The following MNDA variants were observed in gnomAD, a reference collection of about 807,000 sequenced individuals.
MNDA encodes the protein myeloid cell nuclear differentiation antigen.
Under a neutral mutation model 37.8 loss-of-function variants are expected in MNDA, and 43 were observed. The observed-to-expected ratio is 1.14, with a 90% confidence interval of 0.89 to 1.47. The LOEUF (loss-of-function observed/expected upper bound fraction) is 1.47, where lower values mean the gene tolerates loss of function less well. Among genes scored for constraint, MNDA ranks in the 40% most tolerant of loss-of-function variants. MNDA has a pLI of 0.00. For synonymous variants in MNDA, 181 were observed against 169.0 expected, an observed-to-expected ratio of 1.07 and a Z score of -0.55; for missense variants, 536 against 476.0, an observed-to-expected ratio of 1.13 and a Z score of -1.17.
intron 1 of MNDA, among the ~76,000 whole-genome samples, chr1:158,837,146 G>A (rs1380253481): frequency 6.6e-6 from 1 of 151,826 alleles, no homozygotes; most frequent in Non-Finnish European, 1.5e-5. Flanking sequence ...TGTTCCATAT[G>A]TTCGTGTGAA....
intron 5 of MNDA, among the ~76,000 whole-genome samples, chr1:158,847,248 T>C (rs181663719): frequency 9.1e-4 from 139 of 152,280 alleles, no homozygotes; most frequent in Non-Finnish European, 1.5e-3. Flanking sequence ...AATCTCAGAA[T>C]TCACCGCCAT....
intron 1 of MNDA, among the ~76,000 whole-genome samples, chr1:158,837,634 CCT>C (rs763863525): frequency 2.0e-5 from 3 of 151,398 alleles, no homozygotes; most frequent in South Asian, 2.1e-4. Context: ...ACTTGGATCC[CCT>C]GTTTTTAAAT....
At chr1:158,848,599 A>T (rs1659189753) in intron 6 of MNDA, among the ~76,000 whole-genome samples, 1 of 152,200 alleles carries the variant, frequency 6.6e-6, no homozygotes, top group South Asian at 2.1e-4. Flanking sequence ...AAATTAATGG[A>T]AACTTTATTG....
At chr1:158,834,865 G>T (rs750512909) in intron 1 of MNDA, among the ~76,000 whole-genome samples, 4 of 152,118 alleles carry the variant, frequency 2.6e-5, no homozygotes, top group Non-Finnish European at 4.4e-5. Context: ...CAGCATTTTT[G>T]AAAAGACTGT....
chr1:158,849,169 C>G lies in MNDA; in HGVS notation c.1177-21C>G, dbSNP rs182868751. Reference sequence around the variant, plus strand: ...TTCAATATCTAGGGTCTCATTATGTCTTTCTTATCTCTCTTTAAAGGTCAT... The same window carrying G: ...TTCAATATCTAGGGTCTCATTATGTGTTTCTTATCTCTCTTTAAAGGTCAT... On this transcript the variant is annotated intron_variant, in intron 6 of 6. Transcript: ENST00000368141. The G allele has an allele frequency of 7.1e-5, 113 of 1,591,934 alleles. No homozygotes were observed. In the African/African-American group the frequency reaches 1.1e-3, roughly 16 times the overall value.
rs753075854 is a variant in MNDA, at chr1:158,844,100, C to T, written c.548C>T (p.Pro183Leu). The T allele has an allele frequency of 4.4e-5, 70 of 1,587,936 alleles. No homozygotes were observed. Among genetic ancestry groups the T allele is most frequent in the African/African-American group, 1.4e-5 (1 of 73,452 alleles). ...CTACCCCAGACCTCATCATCAACTCCATCCAACACTTCGTTTACTCCGGTA... is the reference window on the plus strand; with the variant it reads ...CTACCCCAGACCTCATCATCAACTCTATCCAACACTTCGTTTACTCCGGTA... ...PPLPQTSSST[P>L]SNTSFTPNQE... is the part of the protein sequence containing the mutation. Residue 183 changes from proline (P) to leucine (L), a missense_variant, in exon 4 of 7, where the codon CCA becomes CTA. By Grantham distance (98) the Pro-to-Leu change is moderately conservative. Transcript: ENST00000368141.
At chr1:158,837,447 C>A (rs1163257919) in intron 1 of MNDA, among the ~76,000 whole-genome samples, 1 of 151,732 alleles carries the variant, frequency 6.6e-6, no homozygotes, top group Non-Finnish European at 1.5e-5. Flanking sequence ...CTTTTTAACA[C>A]TATGTAATAT....
At chr1:158,844,651 G>T (rs2102051143) in intron 4 of MNDA, among the ~76,000 whole-genome samples, 1 of 151,794 alleles carries the variant, frequency 6.6e-6, no homozygotes, top group African/African-American at 2.4e-5. Context: ...TGCTAGCCAG[G>T]CCAAGTCTTT....
At position 158,842,270 on chromosome 1, in the gene MNDA, G is replaced by T. The variant is rs1308270312; in HGVS notation, c.117G>T (p.Met39Ile). Residue 39 changes from methionine (M) to isoleucine (I), a missense_variant, in exon 2 of 7, where the codon ATG becomes ATT. By Grantham distance (10) the Met-to-Ile change is conservative (BLOSUM62 1). Transcript: ENST00000368141. ...ATGATTTAGGACTAACTACAAAAAT[G>T]CAAGAGGAATACAACAGAATTAAGA... The part of the protein sequence containing the change: ...LAYDLGLTTK[M>I]QEEYNRIKIT... 6.2e-7 allele frequency: 1 copy of T among 1,614,112 alleles called. No individual in the cohort carries two copies.
intron 1 of MNDA, among the ~76,000 whole-genome samples, chr1:158,841,795 C>G (rs1217260945): frequency 6.6e-6 from 1 of 152,094 alleles, no homozygotes; most frequent in Non-Finnish European, 1.5e-5. Flanking sequence ...GGGATAGGCT[C>G]AGGCCCCAAT....
chr1:158,832,980 TTCTTG>T (rs1338028368), intron 1 of MNDA, among the ~76,000 whole-genome samples: 2 of 152,154 alleles, frequency 1.3e-5, no homozygotes, highest in African/African-American at 4.8e-5. Flanking sequence ...TTCTTCTCCT[TTCTTG>T]TCAAGTTTCT....
intron 2 of MNDA, 86 bp from the exon 3 acceptor site, chr1:158,843,193 G>T: frequency 6.8e-7 from 1 of 1,475,986 alleles, no homozygotes; most frequent in Non-Finnish European, 9.1e-7. Context: ...GGAGCTGACA[G>T]CAGGTAATAT....
rs1659118146 is a variant in MNDA at position 158,845,636 on chromosome 1, C to T, written c.620C>T (p.Pro207Leu). The T allele has an allele frequency of 1.2e-6, 2 of 1,613,784 alleles. No individual in the cohort carries two copies. Among genetic ancestry groups the T allele is most frequent in the South Asian group, 2.2e-5 (2 of 91,024 alleles). ...CAGGTGGATGCAAGAAGAAATGTTC[C>T]CCAAAACGACCCAGTGACAGTGGTG... The part of the protein sequence containing the change: ...QRQVDARRNV[P>L]QNDPVTVVVL... Residue 207 changes from proline (P) to leucine (L), a missense_variant, in exon 5 of 7, where the codon CCC becomes CTC. By Grantham distance (98) the Pro-to-Leu change is moderately conservative. Transcript: ENST00000368141.
intron 1 of MNDA, among the ~76,000 whole-genome samples, chr1:158,837,019 C>T (rs1165477576): frequency 6.6e-6 from 1 of 151,458 alleles, no homozygotes; most frequent in Non-Finnish European, 1.5e-5. Context: ...AGTTTTCTTT[C>T]TGTTGATTTC....
At position 158,842,277 on chromosome 1, in the gene MNDA, G is replaced by A. The variant is rs771734284; in HGVS notation, c.124G>A (p.Glu42Lys). Residue 42 changes from glutamate to lysine, a missense_variant, in exon 2 of 7, where the codon GAA (glutamate) becomes AAA (lysine). Glu to Lys is a moderately conservative substitution (Grantham distance 56). Transcript: ENST00000368141. ...AGGACTAACTACAAAAATGCAAGAG[G>A]AATACAACAGAATTAAGATTACAGA... ...DLGLTTKMQE[E>K]YNRIKITDLM... is the part of the protein sequence containing the mutation. The A allele has an allele frequency of 6.2e-6, 10 of 1,614,066 alleles. No homozygotes were observed. Among genetic ancestry groups the A allele is most frequent in the Admixed American group, 5.0e-5 (3 of 60,016 alleles).
chr1:158,834,192 T>C (rs6698593), intron 1 of MNDA, among the ~76,000 whole-genome samples: 17,792 of 152,012 alleles, frequency 0.12, 1,391 homozygotes, highest in South Asian at 0.31. Flanking sequence ...GCCATTTGTA[T>C]AGCACCTTTG....
chr1:158,847,882 T>G lies in MNDA; in HGVS notation c.1142T>G (p.Leu381Arg). 6.2e-7 allele frequency: 1 copy of G among 1,613,992 alleles called. No homozygotes were observed. Among genetic ancestry groups the G allele is most frequent in the South Asian group, 1.1e-5 (1 of 91,066 alleles). ...CLQLRTVDRK[L>R]KLVCGSHSFI... ...CAACTGAGAACAGTTGACCGCAAGC[T>G]GAAACTGGTGTGTGGAAGTCACAGC... Residue 381 changes from leucine to arginine, a missense_variant, in exon 6 of 7, where the codon CTG (leucine) becomes CGG (arginine). By Grantham distance (102) the Leu-to-Arg change is moderately radical. Transcript: ENST00000368141.
intron 1 of MNDA, among the ~76,000 whole-genome samples, chr1:158,838,993 T>C (rs1444639632): frequency 1.3e-5 from 2 of 152,222 alleles, no homozygotes; most frequent in African/African-American, 4.8e-5. Flanking sequence ...TTTATTTAGT[T>C]GTCTCTACCT....
At chr1:158,847,691 A>G (rs780095674) in intron 5 of MNDA, 37 bp from the exon 6 acceptor site, 4 of 1,578,838 alleles carry the variant, frequency 2.5e-6, no homozygotes, top group South Asian at 2.3e-5. Context: ...GATACTAACA[A>G]TCCTCTCAGA....
Sources: gnomAD v4.1 joint callset for allele counts (sites outside exome capture counted in the v4.1 genomes callset) on GRCh38, gnomAD v4.1.1 for gene constraint, MANE v1.5 for transcripts, NCBI Gene and HGNC (gene_info 2026-07-23, HGNC 2026-07-21) for gene names.